The following CNR2 variants were observed in gnomAD, a reference collection of about 807,000 sequenced individuals.
The protein encoded by CNR2 is cannabinoid receptor 2 (macrophage).
For missense variants in CNR2, 379 were observed against 439.9 expected, an observed-to-expected ratio of 0.86 and a Z score of 1.24; for synonymous variants, 172 against 182.2, an observed-to-expected ratio of 0.94 and a Z score of 0.45.
intron 1 of CNR2, among the ~76,000 whole-genome samples, chr1:23,882,698 T>A (rs1640013979): frequency 6.8e-6 from 1 of 147,200 alleles, no homozygotes; most frequent in Non-Finnish European, 1.5e-5. Context: ...CTGGTGCCTA[T>A]AATCCCAGCT....
At position 23,872,841 on chromosome 1, in the gene CNR2, T is replaced by G. The variant is rs1460235880; in HGVS notation, c.*1694A>C. The G allele has an allele frequency of 6.6e-6, 1 of 152,190 alleles. No homozygotes were observed. The highest frequency in any genetic ancestry group is 1.5e-5 in the Non-Finnish European group (1 of 68,028). The allele number at this position is 152,190 out of a possible 1,614,324, so 9.4% of individuals were successfully genotyped here. On this transcript the variant is annotated 3_prime_UTR_variant, in exon 2 of 2. Coordinates refer to ENST00000374472, the MANE Select transcript of CNR2 (RefSeq NM_001841.3). The stretch of plus-strand genomic sequence containing the variant: ...GTTAACTCAATTAATCCCTATTACA[T>G]GACATGAACCTGCATATTTCCTTTG...
Position 23,908,780 on chromosome 1 carries a change from G to A in CNR2, c.-46+4466C>T, listed in dbSNP as rs75193376. ...CTTCCAGCTCCATCAGATTTTCCAG[G>A]ACCCAAACAGACCCAGGGAGAGACA... is the stretch of plus-strand genomic sequence containing the variant. On this transcript the variant is annotated intron_variant, in intron 1 of 1. Transcript: ENST00000374472. Among the ~76,000 whole-genome samples the A allele has an allele frequency of 9.1e-3, 1,380 of 152,204 alleles. 14 individuals carry two copies. The highest frequency in any genetic ancestry group is 0.032 in the African/African-American group (1,349 of 41,536).
At chr1:23,889,099 G>A (rs1300955784) in intron 1 of CNR2, among the ~76,000 whole-genome samples, 1 of 152,174 alleles carries the variant, frequency 6.6e-6, no homozygotes, top group Non-Finnish European at 1.5e-5. Context: ...AGCGTCCATG[G>A]TGGGGCTGGT....
At chr1:23,886,414 G>A (rs923276993) in intron 1 of CNR2, among the ~76,000 whole-genome samples, 1 of 152,182 alleles carries the variant, frequency 6.6e-6, no homozygotes, top group Non-Finnish European at 1.5e-5. Context: ...AGGGAGCTGG[G>A]TTTCCTGTTG....
At position 23,875,408 on chromosome 1, in the gene CNR2, G is replaced by A. The variant is rs1021275620; in HGVS notation, c.210C>T (p.Tyr70=). The A allele has an allele frequency of 1.9e-6, 3 of 1,614,130 alleles. No individual in the cohort carries two copies. Among genetic ancestry groups the A allele is most frequent in the African/African-American group, 2.7e-5 (2 of 74,956 alleles). The change falls in exon 2 of 2, where the codon TAC becomes TAT. Residue 70 remains tyrosine, a synonymous_variant. Coordinates refer to ENST00000374472, the MANE Select transcript of CNR2 (RefSeq NM_001841.3). The part of the protein sequence containing the change: ...SSHQLRRKPS[Y]LFIGSLAGAD... ...CCCCAGCCAAGCTGCCAATGAACAG[G>A]TATGAGGGCTTCCGGCGGAGTTGGT...
At chr1:23,896,503 A>C (rs910510874) in intron 1 of CNR2, among the ~76,000 whole-genome samples, 4 of 152,364 alleles carry the variant, frequency 2.6e-5, no homozygotes, top group Non-Finnish European at 4.4e-5. Flanking sequence ...TATAGATGCT[A>C]TATATGTGAA....
intron 1 of CNR2, among the ~76,000 whole-genome samples, chr1:23,909,405 G>A (rs1022113866): frequency 1.2e-4 from 19 of 152,178 alleles, no homozygotes; most frequent in African/African-American, 4.3e-4. Context: ...GGGACCGAGA[G>A]CCTTGGCTGT....
At chr1:23,902,605 C>G in intron 1 of CNR2, 1 of 1,604,174 alleles carries the variant, frequency 6.2e-7, no homozygotes, top group Non-Finnish European at 8.5e-7. Context: ...GCATAGAAGA[C>G]GGAGCTGCAG....
Position 23,880,323 on chromosome 1 carries a change from G to A in CNR2, c.-45-4661C>T, listed in dbSNP as rs558060691. The stretch of plus-strand genomic sequence containing the variant: ...CTCCCGAGTAGCTGGGACTACAGGC[G>A]CATACTACCATGCCCGGCTAAGTTT... On this transcript the variant is annotated intron_variant, in intron 1 of 1. Coordinates refer to ENST00000374472, the MANE Select transcript of CNR2 (RefSeq NM_001841.3). Among the ~76,000 whole-genome samples, 29 of 151,906 alleles carry A rather than the reference G, an allele frequency of 1.9e-4. 1 individual carries two copies. The South Asian group carries it at 5.0e-3, about 26-fold the overall frequency.
chr1:23,880,228 A>G lies in CNR2; in HGVS notation c.-45-4566T>C, dbSNP rs187525407. ...AGTCTCACTCTGTCACCTAGGCTGG[A>G]GTGCAGTGGCACAATCTCGGCTCAC... is the stretch of plus-strand genomic sequence containing the variant. On this transcript the variant is annotated intron_variant, in intron 1 of 1. Transcript: ENST00000374472. 5.5e-5 allele frequency among the ~76,000 whole-genome samples: 7 copies of G among 127,378 alleles called. No individual in the cohort carries two copies. The Admixed American group carries it at 7.3e-4, about 13-fold the overall frequency. 83.6% of individuals were successfully genotyped at this position (127,378 alleles called of 152,430 possible). A position where few individuals can be genotyped will look rare whatever the true frequency, so the allele number is the denominator to read the frequency against.
chr1:23,902,393 T>C, intron 1 of CNR2: 1 of 1,587,348 alleles, frequency 6.3e-7, no homozygotes, highest in South Asian at 1.1e-5. Flanking sequence ...CTTTCAGACT[T>C]GTCCCCAGAA....
intron 1 of CNR2, among the ~76,000 whole-genome samples, chr1:23,892,509 A>G (rs1056531369): frequency 6.6e-6 from 1 of 152,224 alleles, no homozygotes; most frequent in Admixed American, 6.5e-5. Flanking sequence ...AATGTCTATT[A>G]GGAGAAAAGC....
Position 23,870,807 on chromosome 1 carries a change from T to A in CNR2, c.*3728A>T, listed in dbSNP as rs1639749848. 6.6e-6 allele frequency: 1 copy of A among 152,156 alleles called. No individual in the cohort carries two copies. Among genetic ancestry groups the A allele is most frequent in the South Asian group, 2.1e-4 (1 of 4,830 alleles). The allele number at this position is 152,156 out of a possible 1,614,324, so 9.4% of individuals were successfully genotyped here. A position where few individuals can be genotyped will look rare whatever the true frequency, so the allele number is the denominator to read the frequency against. On this transcript the variant is annotated 3_prime_UTR_variant, in exon 2 of 2. Coordinates refer to ENST00000374472, the MANE Select transcript of CNR2 (RefSeq NM_001841.3). ...AGGGCAGTTCTCAGTGATATCTAGGTCCCTTTTGCACCCTTGTTCTCCTCC... is the reference window on the plus strand; with the variant it reads ...AGGGCAGTTCTCAGTGATATCTAGGACCCTTTTGCACCCTTGTTCTCCTCC...
In CNR2 at chr1:23,901,762, A is replaced by G; in HGVS notation, c.-46+11484T>C. On this transcript the variant is annotated intron_variant, in intron 1 of 1. Coordinates refer to ENST00000374472, the MANE Select transcript of CNR2 (RefSeq NM_001841.3). Reference sequence around the variant, plus strand: ...GAACTACCCCAAGCCTCTTGAGCTCAATCTTCACGCTGTACTCAGCCTTCC... The same window carrying G: ...GAACTACCCCAAGCCTCTTGAGCTCGATCTTCACGCTGTACTCAGCCTTCC... The G allele has an allele frequency of 2.7e-6, 4 of 1,466,658 alleles. 1 individual carries two copies. The Admixed American group carries it at 6.7e-5, about 25-fold the overall frequency. 90.9% of individuals were successfully genotyped at this position (1,466,658 alleles called of 1,614,324 possible).
chr1:23,887,051 G>A (rs548226495), intron 1 of CNR2, among the ~76,000 whole-genome samples: 2 of 152,220 alleles, frequency 1.3e-5, no homozygotes, highest in South Asian at 2.1e-4. Context: ...AATTACAGGT[G>A]CACGCCACCA....
chr1:23,897,105 C>G (rs1463653318), intron 1 of CNR2, among the ~76,000 whole-genome samples: 1 of 152,044 alleles, frequency 6.6e-6, no homozygotes, highest in Non-Finnish European at 1.5e-5. Flanking sequence ...GAACTCCTGA[C>G]CTCAGGTGAT....
intron 1 of CNR2, among the ~76,000 whole-genome samples, chr1:23,908,523 C>T (rs191799006): frequency 2.0e-4 from 31 of 152,294 alleles, no homozygotes; most frequent in South Asian, 6.2e-4. Context: ...AAACAGGCAT[C>T]AAGACCTTCT....
At chr1:23,902,373 G>A (rs6662584) in intron 1 of CNR2, 1,581,155 of 1,585,838 alleles carry the variant, frequency 1, 788,336 homozygotes, top group East Asian at 1. Flanking sequence ...CAGGACGCAG[G>A]CGTTCTTGGC....
At chr1:23,902,904 G>A (rs1373741607) in intron 1 of CNR2, among the ~76,000 whole-genome samples, 1 of 151,118 alleles carries the variant, frequency 6.6e-6, no homozygotes, top group Non-Finnish European at 1.5e-5. Context: ...GGGACGTAGA[G>A]CTCCGCCGCC....
Sources: gnomAD v4.1 joint callset for allele counts (sites outside exome capture counted in the v4.1 genomes callset) on GRCh38, gnomAD v4.1.1 for gene constraint, MANE v1.5 for transcripts, NCBI Gene and HGNC (gene_info 2026-07-23, HGNC 2026-07-21) for gene names.